PTPRT: variants seen among roughly 807,000 people sequenced by gnomAD.
PTPRT encodes the protein protein tyrosine phosphatase receptor type T.
PTPRT carries 56 observed loss-of-function variants against 176.8 expected under a neutral mutation model. That is an observed-to-expected ratio of 0.32 (90% confidence interval 0.26 to 0.40). PTPRT has a LOEUF of 0.40. Ranked by LOEUF, PTPRT falls within the 10% of genes least tolerant of loss-of-function variation. The pLI is 1.00. For synonymous variants in PTPRT, 783 were observed against 739.0 expected (o/e 1.06, Z -0.96); for missense variants, 1,540 against 1,908.2 (o/e 0.81, Z 3.60).
At chr20:42,897,917 T>C (rs773573286) in intron 1 of PTPRT, among the ~76,000 whole-genome samples, 24 of 152,230 alleles carry the variant, frequency 1.6e-4, no homozygotes, top group Non-Finnish European at 3.1e-4. Context: ...TAAATTAATA[T>C]TTAATCCCAA....
intron 7 of PTPRT, among the ~76,000 whole-genome samples, chr20:42,597,255 AC>A (rs1231539956): frequency 6.6e-6 from 1 of 152,202 alleles, no homozygotes; most frequent in African/African-American, 2.4e-5. Context: ...GGTCAGGACC[AC>A]TCAAAATTAA....
chr20:42,737,842 G>T (rs2076561320), intron 6 of PTPRT, among the ~76,000 whole-genome samples: 1 of 152,130 alleles, frequency 6.6e-6, no homozygotes, highest in Non-Finnish European at 1.5e-5. Context: ...GATTAAATTT[G>T]GATGGGTCAA....
At chr20:42,923,845 CT>C (rs61259027) in intron 1 of PTPRT, among the ~76,000 whole-genome samples, 42 of 149,612 alleles carry the variant, frequency 2.8e-4, no homozygotes, top group Non-Finnish European at 5.4e-4. Context: ...TTTTTCTTTT[CT>C]TTTTTTTTTC....
intron 13 of PTPRT, among the ~76,000 whole-genome samples, chr20:42,279,461 C>T (rs1412680549): frequency 6.6e-6 from 1 of 152,140 alleles, no homozygotes; most frequent in African/African-American, 2.4e-5. Context: ...CCTCACAACA[C>T]TCAGAAGGAA....
chr20:42,321,512 T>G (rs1263028804), intron 11 of PTPRT, among the ~76,000 whole-genome samples: 4 of 152,200 alleles, frequency 2.6e-5, no homozygotes, highest in Non-Finnish European at 5.9e-5. Flanking sequence ...TCTCACTCCC[T>G]TGGAAGACAC....
intron 7 of PTPRT, among the ~76,000 whole-genome samples, chr20:42,581,393 GA>G (rs1321255481): frequency 1.3e-5 from 2 of 152,130 alleles, no homozygotes; most frequent in African/African-American, 4.8e-5. Context: ...TCTCCCACAT[GA>G]AAATGTAAGC....
At chr20:42,332,986 G>T (rs192323965) in intron 11 of PTPRT, among the ~76,000 whole-genome samples, 1 of 152,160 alleles carries the variant, frequency 6.6e-6, no homozygotes, top group Admixed American at 6.5e-5. Context: ...AAATTTTAAC[G>T]TAAAAGAGTA....
intron 6 of PTPRT, among the ~76,000 whole-genome samples, chr20:42,744,507 G>A (rs2076661899): frequency 6.6e-6 from 1 of 152,208 alleles, no homozygotes; most frequent in African/African-American, 2.4e-5. Context: ...TTTCAGGTAG[G>A]CTAGAAAGTT....
At chr20:42,520,937 CATCT>C (rs76494341) in intron 7 of PTPRT, among the ~76,000 whole-genome samples, 1,565 of 151,738 alleles carry the variant, frequency 0.01, 15 homozygotes, top group Middle Eastern at 0.014. Flanking sequence ...ATCTACCTAT[CATCT>C]ATCTATCCGT....
At chr20:42,776,906 T>C (rs1178328588) in intron 4 of PTPRT, among the ~76,000 whole-genome samples, 1 of 151,388 alleles carries the variant, frequency 6.6e-6, no homozygotes, top group Non-Finnish European at 1.5e-5. Flanking sequence ...AATTACTTTA[T>C]TTGTTTTGCT....
chr20:42,955,794 AGAAAAAGTGAG>A (rs1981589635), intron 1 of PTPRT, among the ~76,000 whole-genome samples: 1 of 148,576 alleles, frequency 6.7e-6, no homozygotes, highest in Non-Finnish European at 1.5e-5. Context: ...AAGCCAAGGC[AGAAAAAGTGAG>A]GGAGAAGGAG....
intron 1 of PTPRT, among the ~76,000 whole-genome samples, chr20:43,001,048 T>C (rs748743513): frequency 2.3e-4 from 35 of 152,064 alleles, no homozygotes; most frequent in Non-Finnish European, 1.3e-4. Context: ...AGGAAGAAGG[T>C]ATTATTCTTC....
chr20:42,465,688 A>G (rs762973805), intron 8 of PTPRT, among the ~76,000 whole-genome samples: 6 of 152,206 alleles, frequency 3.9e-5, no homozygotes, highest in Non-Finnish European at 7.3e-5. Flanking sequence ...TCAAGTGTGG[A>G]TTGGAATAGT....
At position 42,611,235 on chromosome 20, in the gene PTPRT, A is replaced by G. The variant is rs139925201; in HGVS notation, c.1153+66631T>C. ...AACTGTACATTTAACTTCTTGAGGA[A>G]CTCCCAAACTGCTTTTCAAAGAGGC... On this transcript the variant is annotated intron_variant, in intron 7 of 30. Transcript: ENST00000373187. 8.3e-3 allele frequency among the ~76,000 whole-genome samples: 1,256 copies of G among 152,228 alleles called. 18 individuals are homozygous for G. Among genetic ancestry groups the G allele is most frequent in the African/African-American group, 0.029 (1,188 of 41,524 alleles).
intron 5 of PTPRT, among the ~76,000 whole-genome samples, chr20:42,767,102 C>T (rs543878072): frequency 1.0e-3 from 156 of 152,280 alleles, no homozygotes; most frequent in Admixed American, 2.9e-3. Flanking sequence ...ATGGTGGCTG[C>T]GATCCTCTCT....
intron 12 of PTPRT, among the ~76,000 whole-genome samples, chr20:42,310,389 T>C (rs2057609000): frequency 6.6e-6 from 1 of 152,044 alleles, no homozygotes; most frequent in South Asian, 2.1e-4. Flanking sequence ...AGGAGGGTAG[T>C]TGGTACTGTC....
chr20:43,155,544 T>C (rs149636103), intron 1 of PTPRT, among the ~76,000 whole-genome samples: 147 of 152,110 alleles, frequency 9.7e-4, no homozygotes, highest in Non-Finnish European at 1.6e-3. Context: ...AGGGAGAGGA[T>C]GGGGGATGGT....
Position 42,677,972 on chromosome 20 carries a change from A to G in PTPRT, c.1047T>C (p.His349=), listed in dbSNP as rs2146065977. Residue 349 remains histidine (H), a synonymous_variant, in exon 7 of 31, where the codon CAT becomes CAC. Coordinates refer to ENST00000373187, the MANE Select transcript of PTPRT (RefSeq NM_007050.6). ...IVDSPNYKLW[H]LDPDVEYEIR... ...TCTCATACTCAACATCGGGGTCCAG[A>G]TGCCACAGCTTATAGTTGGGAGAGT... The G allele has an allele frequency of 6.2e-7, 1 of 1,614,160 alleles. No homozygotes were observed. Among genetic ancestry groups the G allele is most frequent in the East Asian group, 2.2e-5 (1 of 44,858 alleles).
intron 7 of PTPRT, among the ~76,000 whole-genome samples, chr20:42,579,944 T>C (rs1185318721): frequency 6.6e-6 from 1 of 152,202 alleles, no homozygotes; most frequent in East Asian, 1.9e-4. Context: ...TTTGTTGCCG[T>C]TGCTTTTGGT....
Sources: gnomAD v4.1 joint callset for allele counts (sites outside exome capture counted in the v4.1 genomes callset) on GRCh38, gnomAD v4.1.1 for gene constraint, MANE v1.5 for transcripts, NCBI Gene and HGNC (gene_info 2026-07-23, HGNC 2026-07-21) for gene names.